The following ZNF148 variants were observed in gnomAD, a reference collection of about 807,000 sequenced individuals.
The protein encoded by ZNF148 is Beta-Enolase Repressor Factor-1.
In ZNF148, 7 loss-of-function variants were observed where a neutral mutation model predicts 67.7. The ratio of observed to expected loss-of-function variants is 0.10; its 90% CI spans 0.06 to 0.19. ZNF148 has a LOEUF of 0.19. Among genes scored for constraint, ZNF148 ranks in the 10% least tolerant of loss-of-function variants. ZNF148 has a pLI of 1.00. For synonymous variants in ZNF148, 333 were observed against 330.7 expected (o/e 1.01, Z -0.08); for missense variants, 583 against 947.1 (o/e 0.62, Z 5.05).
chr3:125,281,908 A>C (rs1938409822), intron 5 of ZNF148, among the ~76,000 whole-genome samples: 1 of 152,122 alleles, frequency 6.6e-6, no homozygotes, highest in African/African-American at 2.4e-5. Flanking sequence ...GGCCCTTCCA[A>C]TTTGTAACCT....
Position 125,232,449 on chromosome 3 carries a change from T to G in ZNF148, c.2277A>C (p.Gly759=). The G allele has an allele frequency of 6.2e-7, 1 of 1,613,640 alleles. No individual in the cohort carries two copies. The highest frequency in any genetic ancestry group is 8.5e-7 in the Non-Finnish European group (1 of 1,179,754). The stretch of plus-strand genomic sequence containing the variant: ...CTGAAAATTCAGCACTTGTCCCTGG[T>G]CCCCGAAGGTTCACCTGTCCATTGG... The part of the protein sequence containing the change: ...STANGQVNLR[G]PGTSAEFSEF... The change falls in exon 9 of 9, where the codon GGA becomes GGC. Residue 759 remains glycine (G), a synonymous_variant. Coordinates refer to ENST00000360647, the MANE Select transcript of ZNF148 (RefSeq NM_021964.3). This position sits in a 1 kb window ranked among gnomAD's most constrained non-coding sequence, Gnocchi z 4.2.
intron 7 of ZNF148, among the ~76,000 whole-genome samples, chr3:125,236,229 A>G (rs911734132): frequency 1.3e-5 from 2 of 152,204 alleles, no homozygotes; most frequent in African/African-American, 4.8e-5. Flanking sequence ...AATTAAAAAA[A>G]AATTTTTTTC....
intron 1 of ZNF148, among the ~76,000 whole-genome samples, chr3:125,354,024 C>T (rs927824044): frequency 5.9e-5 from 9 of 151,974 alleles, no homozygotes; most frequent in South Asian, 2.1e-4. Context: ...TCATCATTTA[C>T]GTTTTTCCAT....
rs1286167721 is a variant in ZNF148, at chr3:125,230,599, C to T, written c.*1742G>A. On this transcript the variant is annotated 3_prime_UTR_variant, in exon 9 of 9. Coordinates refer to ENST00000360647, the MANE Select transcript of ZNF148 (RefSeq NM_021964.3). ...TTAAGGGTGGATAGTTATTTCTTCC[C>T]TTTCTTTATGAGAACAGTCTTGGGA... 3 of 152,244 alleles carry T rather than the reference C, an allele frequency of 2.0e-5. No individual in the cohort carries two copies. The highest frequency in any genetic ancestry group is 4.4e-5 in the Non-Finnish European group (3 of 67,926). 9.4% of individuals were successfully genotyped at this position (152,244 alleles called of 1,614,324 possible).
chr3:125,310,867 G>A lies in ZNF148; in HGVS notation c.333+2441C>T, dbSNP rs896928219. Reference sequence around the variant, plus strand: ...AAAATTGTTGCTCTCTCCTCTGCTCGCATTTTCACTCTGCCATGCCCTGCT... The same window carrying A: ...AAAATTGTTGCTCTCTCCTCTGCTCACATTTTCACTCTGCCATGCCCTGCT... On this transcript the variant is annotated intron_variant, in intron 4 of 8. Transcript: ENST00000360647. 7 of 206,952 alleles carry A rather than the reference G, an allele frequency of 3.4e-5. No homozygotes were observed. In the East Asian group the frequency reaches 6.6e-4, roughly 19 times the overall value. The allele number at this position is 206,952 out of a possible 1,614,324, so 12.8% of individuals were successfully genotyped here.
chr3:125,371,438 G>A (rs1166411534), intron 1 of ZNF148, among the ~76,000 whole-genome samples: 2 of 149,590 alleles, frequency 1.3e-5, no homozygotes, highest in Non-Finnish European at 3.0e-5. Flanking sequence ...AAGCCGAAGC[G>A]GACAGATCAT....
At chr3:125,262,665 AG>A (rs1337538779) in intron 7 of ZNF148, among the ~76,000 whole-genome samples, 1 of 152,258 alleles carries the variant, frequency 6.6e-6, no homozygotes, top group African/African-American at 2.4e-5. Flanking sequence ...ATATTAATTC[AG>A]AAAAAGTTTA....
At chr3:125,242,552 G>A (rs1429677465) in intron 7 of ZNF148, among the ~76,000 whole-genome samples, 3 of 152,054 alleles carry the variant, frequency 2.0e-5, no homozygotes, top group Admixed American at 6.6e-5. Context: ...ATCTGGTGTC[G>A]GGGAGCAGGC....
intron 4 of ZNF148, among the ~76,000 whole-genome samples, chr3:125,294,078 C>T (rs1311023145): frequency 6.6e-6 from 1 of 152,160 alleles, no homozygotes; most frequent in Non-Finnish European, 1.5e-5. Context: ...GGGGACACAA[C>T]ATCACTTCTG....
chr3:125,272,633 ATATT>A (rs10567631), intron 7 of ZNF148, among the ~76,000 whole-genome samples: 116,658 of 151,486 alleles, frequency 0.77, 45,455 homozygotes, highest in African/African-American at 0.85. Context: ...ATCAATTTAT[ATATT>A]TAATTACACC....
intron 5 of ZNF148, among the ~76,000 whole-genome samples, chr3:125,287,451 C>A (rs573576078): frequency 6.6e-6 from 1 of 152,148 alleles, no homozygotes; most frequent in African/African-American, 2.4e-5. Flanking sequence ...CTAGCCTGGC[C>A]AACATAGCAA....
chr3:125,268,798 G>C (rs1937599292), intron 7 of ZNF148, among the ~76,000 whole-genome samples: 1 of 151,908 alleles, frequency 6.6e-6, no homozygotes, highest in South Asian at 2.1e-4. Context: ...TAGGCAACAT[G>C]GCAAGACCTG....
At chr3:125,296,369 C>T (rs530685304) in intron 4 of ZNF148, among the ~76,000 whole-genome samples, 12 of 152,242 alleles carry the variant, frequency 7.9e-5, no homozygotes, top group South Asian at 6.2e-4. Flanking sequence ...GAGATCCACC[C>T]GCCTCGGCCT....
At chr3:125,329,507 A>T (rs1941190155) in intron 2 of ZNF148, among the ~76,000 whole-genome samples, 3 of 151,470 alleles carry the variant, frequency 2.0e-5, no homozygotes, top group African/African-American at 7.3e-5. Context: ...GGTAACAGGC[A>T]CCCACCTGTC....
chr3:125,324,152 G>A (rs1940916696), intron 2 of ZNF148, among the ~76,000 whole-genome samples: 1 of 151,608 alleles, frequency 6.6e-6, no homozygotes, highest in African/African-American at 2.4e-5. Flanking sequence ...TGCACATTGT[G>A]CACATGTACC....
intron 1 of ZNF148, among the ~76,000 whole-genome samples, chr3:125,356,054 C>T (rs1328370638): frequency 1.3e-5 from 2 of 152,186 alleles, no homozygotes; most frequent in East Asian, 1.9e-4. Flanking sequence ...ATATCTTCCC[C>T]CCGTTAAAAA....
chr3:125,322,099 A>G (rs9883247), intron 3 of ZNF148, among the ~76,000 whole-genome samples: 112,269 of 144,932 alleles, frequency 0.77, 43,772 homozygotes, highest in African/African-American at 0.85. Flanking sequence ...GTGCCATCTC[A>G]GCTCACTGCA....
chr3:125,258,227 C>T (rs186315425), intron 7 of ZNF148, among the ~76,000 whole-genome samples: 1 of 151,900 alleles, frequency 6.6e-6, no homozygotes, highest in East Asian at 1.9e-4. Context: ...TCGAAACCAT[C>T]CTGGCTAACA....
chr3:125,260,707 C>T (rs919240314), intron 7 of ZNF148, among the ~76,000 whole-genome samples: 1 of 152,074 alleles, frequency 6.6e-6, no homozygotes, highest in Non-Finnish European at 1.5e-5. Flanking sequence ...ACTGTCAACA[C>T]GCACAGAACT....
Sources: allele counts gnomAD v4.1 joint callset (sites outside exome capture counted in the v4.1 genomes callset), GRCh38; gene constraint gnomAD v4.1.1; non-coding constraint Gnocchi (gnomAD v3.1); transcripts MANE v1.5; gene names NCBI Gene and HGNC (gene_info 2026-07-23, HGNC 2026-07-21).